Variants in STRN4 observed in about 807,000 individuals in gnomAD.
The protein encoded by STRN4 is striatin 4.
A neutral mutation model predicts 77.9 loss-of-function variants in STRN4; 27 were observed. The observed-to-expected ratio is 0.35, with a 90% CI of 0.26 to 0.48. The LOEUF (loss-of-function observed/expected upper bound fraction) is 0.48. STRN4 is among the 20% of genes least tolerant of loss of function. STRN4 has a pLI of 0.99. For missense variants in STRN4, 798 were observed against 1,049.7 expected, an observed-to-expected ratio of 0.76 and a Z score of 3.31; for synonymous variants, 466 against 443.1, an observed-to-expected ratio of 1.05 and a Z score of -0.65.
At chr19:46,726,518 G>C (rs1599866544) in intron 9 of STRN4, among the ~76,000 whole-genome samples, 1 of 151,758 alleles carries the variant, frequency 6.6e-6, no homozygotes, top group South Asian at 2.1e-4. Flanking sequence ...CAGAGAAAGA[G>C]GTTGAGAGGC....
chr19:46,746,045 C>A, intron 1 of STRN4, 104 bp downstream of exon 1: 1 of 1,132,760 alleles, frequency 8.8e-7, no homozygotes, highest in South Asian at 2.3e-5. Flanking sequence ...CCCCGCCGGC[C>A]GTCCCGGCGG....
intron 4 of STRN4, among the ~76,000 whole-genome samples, chr19:46,734,124 G>A (rs2054310600): frequency 1.3e-5 from 2 of 152,218 alleles, no homozygotes; most frequent in African/African-American, 4.8e-5. Flanking sequence ...CCAAAAGAGA[G>A]ACAGGGAAGC....
In STRN4 at chr19:46,738,662, A is replaced by G; in HGVS notation, c.386+123T>C. The G allele has an allele frequency of 1.1e-6, 1 of 909,268 alleles. No homozygotes were observed. 56.3% of individuals were successfully genotyped at this position (909,268 alleles called of 1,614,324 possible). A position where few individuals can be genotyped will look rare whatever the true frequency, so the allele number is the denominator to read the frequency against. On this transcript the variant is annotated intron_variant, in intron 2 of 17. Coordinates refer to ENST00000263280, the MANE Select transcript of STRN4 (RefSeq NM_013403.3). The surrounding 1 kb of genome is among the most constrained non-coding windows in gnomAD (Gnocchi z 4.5). ...CTCCCCTAGAATCTTATGGTACTGG[A>G]ATGATGGAAAAGAATGTCGACCCCA...
rs1599891464 is a variant in STRN4 at position 46,738,701 on chromosome 19, TG to T, written c.386+83del. 9 of 1,290,322 alleles carry T rather than the reference TG, an allele frequency of 7.0e-6. No individual in the cohort carries two copies. The East Asian group carries it at 1.8e-4, about 27-fold the overall frequency. The allele number at this position is 1,290,322 out of a possible 1,614,324, so 79.9% of individuals were successfully genotyped here. A position where few individuals can be genotyped will look rare whatever the true frequency, so the allele number is the denominator to read the frequency against. ...ATGTCGACCCCAAATCTCCCTTAGC[TG>T]GAAGGAGGCGTGGCTGGTGGCCTCC... is the stretch of plus-strand genomic sequence containing the variant. On this transcript the variant is annotated intron_variant, in intron 2 of 17. Transcript: ENST00000263280. The surrounding 1 kb of genome is among the most constrained non-coding windows in gnomAD (Gnocchi z 4.5).
intron 9 of STRN4, 176 bp from the exon 10 acceptor site, chr19:46,725,824 A>G (rs1253066787): frequency 3.8e-6 from 3 of 783,906 alleles, no homozygotes; most frequent in Non-Finnish European, 5.9e-6. Context: ...CAGAGTCTCC[A>G]TGCTCGCCCA....
At chr19:46,724,737 G>C (rs765102982) in intron 12 of STRN4, 70 bp downstream of exon 12, 22 of 1,605,908 alleles carry the variant, frequency 1.4e-5, no homozygotes, top group Non-Finnish European at 1.7e-5. Context: ...TGGACGCGAC[G>C]TGTGTGTGCG....
chr19:46,745,633 C>G (rs2054572483), intron 1 of STRN4: 1 of 152,556 alleles, frequency 6.6e-6, no homozygotes, highest in Non-Finnish European at 1.5e-5. Context: ...CCACCTCCAA[C>G]CTGCACCTGG....
Position 46,728,238 on chromosome 19 carries a change from G to C in STRN4, c.1040-231C>G. 3 of 644,908 alleles carry C rather than the reference G, an allele frequency of 4.7e-6. No homozygotes were observed. In the South Asian group the frequency reaches 5.1e-5, roughly 11 times the overall value. 39.9% of individuals were successfully genotyped at this position (644,908 alleles called of 1,614,324 possible). A position where few individuals can be genotyped will look rare whatever the true frequency, so the allele number is the denominator to read the frequency against. The stretch of plus-strand genomic sequence containing the variant: ...CTCAGGCCCCAGCCACCCATCCCAC[G>C]TATCCTGAGAGCCCTCCTAGCTAGG... On this transcript the variant is annotated intron_variant, in intron 7 of 17. Transcript: ENST00000263280.
At position 46,724,922 on chromosome 19, in the gene STRN4, T is replaced by C; in HGVS notation, c.1479A>G (p.Pro493=). 1 of 1,613,942 alleles carries C rather than the reference T, an allele frequency of 6.2e-7. No individual in the cohort carries two copies. Among genetic ancestry groups the C allele is most frequent in the Non-Finnish European group, 8.5e-7 (1 of 1,180,014 alleles). Residue 493 remains proline, a synonymous_variant, in exon 12 of 18, where the codon CCA becomes CCG. Coordinates refer to ENST00000263280, the MANE Select transcript of STRN4 (RefSeq NM_013403.3). ...TGCTGCCCATAGCCACAGCCAACAC[T>C]GGGCCCCTGGAAGGGACAAATATGT... is the stretch of plus-strand genomic sequence containing the variant. ...PIHAFRAHRG[P]VLAVAMGSNS...
At chr19:46,727,255 T>C (rs2054138310) in intron 9 of STRN4, among the ~76,000 whole-genome samples, 197 bp downstream of exon 9, 2 of 151,612 alleles carry the variant, frequency 1.3e-5, no homozygotes, top group African/African-American at 4.9e-5. Context: ...CGTGGAACTG[T>C]GATTAAAACA....
rs2054413999 is a variant in STRN4, at chr19:46,738,524, TATAAGGG to T, written c.386+254_386+260del. ...CAATACCCGTTAGGCTATTGGAAGG[TATAAGGG>T]ATAACGGAGGTAAGGACTATACGAT... On this transcript the variant is annotated intron_variant, in intron 2 of 17. Transcript: ENST00000263280. This position sits in a 1 kb window ranked among gnomAD's most constrained non-coding sequence, Gnocchi z 4.5. Among the ~76,000 whole-genome samples, 1 of 152,156 alleles carries T rather than the reference TATAAGGG, an allele frequency of 6.6e-6. No individual in the cohort carries two copies.
At chr19:46,744,687 T>A (rs907258442) in intron 1 of STRN4, among the ~76,000 whole-genome samples, 1 of 150,958 alleles carries the variant, frequency 6.6e-6, no homozygotes, top group Admixed American at 6.6e-5. Context: ...ACCCCATCCC[T>A]ACCGACACAA....
At chr19:46,728,297 C>T in intron 7 of STRN4, 1 of 590,436 alleles carries the variant, frequency 1.7e-6, no homozygotes, top group Non-Finnish European at 3.0e-6. Context: ...GCGGCCCTCC[C>T]ACCTGCCTCT....
intron 4 of STRN4, among the ~76,000 whole-genome samples, chr19:46,735,500 G>A (rs927792702): frequency 6.6e-6 from 1 of 151,784 alleles, no homozygotes; most frequent in Non-Finnish European, 1.5e-5. Flanking sequence ...TATTTATTAA[G>A]ATAACAGAGG....
At chr19:46,722,363 G>A (rs769487466) in intron 14 of STRN4, 23 bp from the exon 15 acceptor site, 6 of 1,609,110 alleles carry the variant, frequency 3.7e-6, no homozygotes, top group South Asian at 2.2e-5. Context: ...GCAGGAAGAG[G>A]GAAGGATGTC....
rs2054019517 is a variant in STRN4 at position 46,723,097 on chromosome 19, C to T, written c.1765+17G>A. On this transcript the variant is annotated intron_variant, in intron 13 of 17. Coordinates refer to ENST00000263280, the MANE Select transcript of STRN4 (RefSeq NM_013403.3). This position sits in a 1 kb window ranked among gnomAD's most constrained non-coding sequence, Gnocchi z 5.5. ...TCCCGCACAGCTCCAGGGTGAGGCA[C>T]CGGGGCCCCCACTCACCGCTGGCTG... The T allele has an allele frequency of 1.3e-6, 2 of 1,558,972 alleles. No individual in the cohort carries two copies. The highest frequency in any genetic ancestry group is 1.2e-5 in the South Asian group (1 of 85,586).
At position 46,734,813 on chromosome 19, in the gene STRN4, C is replaced by T. The variant is rs1010201858; in HGVS notation, c.540-1577G>A. 5.8e-4 allele frequency among the ~76,000 whole-genome samples: 88 copies of T among 152,136 alleles called. 1 individual carries two copies. The highest frequency in any genetic ancestry group is 1.7e-3 in the African/African-American group (69 of 41,514). ...CCGAGTAGCTGGGACTACAGGCACCCGCCACCAAGCCCGGCTAATTTTTTG... is the reference window on the plus strand; with the variant it reads ...CCGAGTAGCTGGGACTACAGGCACCTGCCACCAAGCCCGGCTAATTTTTTG... On this transcript the variant is annotated intron_variant, in intron 4 of 17. Coordinates refer to ENST00000263280, the MANE Select transcript of STRN4 (RefSeq NM_013403.3).
rs201147287 is a variant in STRN4, at chr19:46,727,441, G to A, written c.1248+11C>T. On this transcript the variant is annotated intron_variant, in intron 9 of 17. Coordinates refer to ENST00000263280, the MANE Select transcript of STRN4 (RefSeq NM_013403.3). ...AATGGGGACAGTGTGGGGGGCACCCGGAGAACTTACATCGCAGCTGAGGTC... is the reference window on the plus strand; with the variant it reads ...AATGGGGACAGTGTGGGGGGCACCCAGAGAACTTACATCGCAGCTGAGGTC... The A allele has an allele frequency of 3.7e-5, 59 of 1,611,078 alleles. No homozygotes were observed. Among genetic ancestry groups the A allele is most frequent in the Middle Eastern group, 1.7e-4 (1 of 6,058 alleles).
At chr19:46,746,024 C>T (rs1387723903) in intron 1 of STRN4, 125 bp downstream of exon 1, 4 of 1,194,526 alleles carry the variant, frequency 3.3e-6, no homozygotes, top group Non-Finnish European at 4.3e-6. Context: ...CGTCGCGGTC[C>T]CCTCCCGCCC....
Sources: gnomAD v4.1 joint callset for allele counts (sites outside exome capture counted in the v4.1 genomes callset) on GRCh38, gnomAD v4.1.1 for gene constraint, Gnocchi (gnomAD v3.1) non-coding constraint, MANE v1.5 for transcripts, NCBI Gene and HGNC (gene_info 2026-07-23, HGNC 2026-07-21) for gene names.